RIPOR2: variants seen among roughly 807,000 people sequenced by gnomAD.
RIPOR2 encodes the protein RHO family interacting cell polarization regulator 2.
Under a neutral mutation model 114.5 loss-of-function variants are expected in RIPOR2, and 39 were observed. That is an observed-to-expected ratio of 0.34 (90% CI 0.26 to 0.44). The LOEUF (loss-of-function observed/expected upper bound fraction) is 0.44. RIPOR2 is among the 20% of genes least tolerant of loss of function. The pLI, the probability that RIPOR2 is intolerant of heterozygous loss-of-function variation, is 1.00. For missense variants in RIPOR2, 1,007 were observed against 1,255.1 expected, an observed-to-expected ratio of 0.80 and a Z score of 2.99; for synonymous variants, 445 against 484.4, an observed-to-expected ratio of 0.92 and a Z score of 1.07.
intron 1 of RIPOR2, among the ~76,000 whole-genome samples, chr6:24,991,651 C>A (rs1297621917): frequency 1.3e-5 from 2 of 152,166 alleles, no homozygotes; most frequent in Non-Finnish European, 2.9e-5. Context: ...GTGTGCTGGG[C>A]CTCTTGGAGC....
At chr6:24,830,450 C>T (rs978840887) in intron 17 of RIPOR2, 59 bp downstream of exon 17, 4 of 1,442,998 alleles carry the variant, frequency 2.8e-6, no homozygotes, top group East Asian at 2.5e-5. Context: ...CCGACCCCCA[C>T]CCCAATGCCC....
chr6:25,008,376 C>T (rs1775643517), intron 1 of RIPOR2, among the ~76,000 whole-genome samples: 1 of 152,124 alleles, frequency 6.6e-6, no homozygotes. Context: ...CTGATGTACT[C>T]AAAAGGGTCC....
intron 1 of RIPOR2, among the ~76,000 whole-genome samples, chr6:24,972,481 G>A (rs576592407): frequency 7.9e-5 from 12 of 152,312 alleles, no homozygotes. Flanking sequence ...TACGTTAGAA[G>A]AACAGTTGCA....
At chr6:24,963,514 G>A (rs551835245) in intron 1 of RIPOR2, among the ~76,000 whole-genome samples, 60 of 152,114 alleles carry the variant, frequency 3.9e-4, no homozygotes, top group Non-Finnish European at 7.9e-4. Context: ...TGGTATATAT[G>A]TAGCTCTTCA....
At chr6:24,993,714 A>G (rs1308943046) in intron 1 of RIPOR2, among the ~76,000 whole-genome samples, 1 of 152,276 alleles carries the variant, frequency 6.6e-6, no homozygotes, top group Non-Finnish European at 1.5e-5. Flanking sequence ...GCAAGGCCAA[A>G]TTCAGTCTGC....
chr6:24,894,843 G>A (rs941212464), intron 1 of RIPOR2, among the ~76,000 whole-genome samples: 11 of 152,136 alleles, frequency 7.2e-5, no homozygotes, highest in African/African-American at 2.4e-4. Context: ...TACTCTTAGG[G>A]TTAAATCCAC....
chr6:24,865,443 T>A lies in RIPOR2; in HGVS notation c.509A>T (p.Glu170Val). The change falls in exon 7 of 22, where the codon GAA becomes GTA. Residue 170 changes from glutamate to valine, a missense_variant. Coordinates refer to ENST00000643898, the MANE Select transcript of RIPOR2 (RefSeq NM_001286445.3). Reference sequence around the variant, plus strand: ...CTGGATACAATAAGCTTCATAGAGTTCATCTACCTGCCAGAATCAAAACAG... The same window carrying A: ...CTGGATACAATAAGCTTCATAGAGTACATCTACCTGCCAGAATCAAAACAG... ...RLEFHISKVD[E>V]LYEAYCIQRR... 6.2e-7 allele frequency: 1 copy of A among 1,605,142 alleles called. No homozygotes were observed. The highest frequency in any genetic ancestry group is 8.5e-7 in the Non-Finnish European group (1 of 1,174,718).
Position 24,811,657 on chromosome 6 carries a change from CTTTT to C in RIPOR2, c.2953-1854_2953-1851del, listed in dbSNP as rs1222503239. The stretch of plus-strand genomic sequence containing the variant: ...GTCAGGAGTTCCCATTCGTTTAGTA[CTTTT>C]TTTTTTTTTTTTTTCTTTTTTTTTT... On this transcript the variant is annotated intron_variant, in intron 20 of 21. Transcript: ENST00000643898. Among the ~76,000 whole-genome samples, 17 of 21,738 alleles carry C rather than the reference CTTTT, an allele frequency of 7.8e-4. 2 individuals are homozygous for C. Among genetic ancestry groups the C allele is most frequent in the African/African-American group, 1.3e-3 (15 of 11,948 alleles). The allele number at this position is 21,738 out of a possible 152,430, so 14.3% of individuals were successfully genotyped here.
upstream of RIPOR2, chr6:25,042,043 T>A: frequency 8.5e-6 from 4 of 469,040 alleles, no homozygotes; most frequent in South Asian, 6.1e-5. Context: ...AACCCCCCCC[T>A]TTTTGTTCTT....
At chr6:24,840,987 G>T (rs768757111) in intron 13 of RIPOR2, among the ~76,000 whole-genome samples, 2 of 152,162 alleles carry the variant, frequency 1.3e-5, no homozygotes, top group Non-Finnish European at 1.5e-5. Context: ...ATCTTGTACA[G>T]TACAGATGTG....
At chr6:24,982,367 TG>T (rs1774332235) in intron 1 of RIPOR2, among the ~76,000 whole-genome samples, 1 of 152,258 alleles carries the variant, frequency 6.6e-6, no homozygotes, top group Non-Finnish European at 1.5e-5. Flanking sequence ...TTCAGTAGTT[TG>T]TGTGACTGAA....
At chr6:24,852,001 C>T (rs576822560) in intron 9 of RIPOR2, among the ~76,000 whole-genome samples, 89 of 124,670 alleles carry the variant, frequency 7.1e-4, no homozygotes, top group Non-Finnish European at 1.3e-3. Flanking sequence ...CCTGTAATCC[C>T]AGCACTTTGG....
At chr6:24,841,363 T>G (rs558482506) in intron 13 of RIPOR2, among the ~76,000 whole-genome samples, 2 of 152,252 alleles carry the variant, frequency 1.3e-5, no homozygotes, top group Middle Eastern at 6.8e-3. Flanking sequence ...CTGATGGTTT[T>G]GAACTGATAT....
At chr6:24,974,018 TG>T (rs1773917382) in intron 1 of RIPOR2, among the ~76,000 whole-genome samples, 1 of 152,160 alleles carries the variant, frequency 6.6e-6, no homozygotes, top group East Asian at 1.9e-4. Flanking sequence ...CTGGGTGACC[TG>T]GGTCAATTGT....
At chr6:25,019,794 A>AAAAAG (rs1561847085) in intron 1 of RIPOR2, among the ~76,000 whole-genome samples, 3 of 149,446 alleles carry the variant, frequency 2.0e-5, no homozygotes, top group African/African-American at 4.9e-5. Flanking sequence ...AAAAAAAAAA[A>AAAAAG]AAAAGAAAAG....
intron 1 of RIPOR2, among the ~76,000 whole-genome samples, chr6:24,903,562 C>T (rs1185003468): frequency 6.6e-6 from 1 of 151,634 alleles, no homozygotes; most frequent in Admixed American, 6.6e-5. Context: ...TCCTTAATCT[C>T]CAGATAGCAA....
chr6:25,002,232 C>A (rs7753996), intron 1 of RIPOR2, among the ~76,000 whole-genome samples: 5,947 of 152,242 alleles, frequency 0.039, 417 homozygotes, highest in African/African-American at 0.13. Context: ...ACAAAATTAC[C>A]TAAACGTTAG....
intron 2 of RIPOR2, among the ~76,000 whole-genome samples, 153 bp downstream of exon 2, chr6:24,875,538 A>G (rs1765633752): frequency 6.6e-6 from 1 of 152,152 alleles, no homozygotes; most frequent in South Asian, 2.1e-4. Context: ...ATAGCACTTA[A>G]TTTTTAGTAC....
Position 24,989,156 on chromosome 6 carries a change from T to C in RIPOR2, c.76+52695A>G, listed in dbSNP as rs16889916. Among the ~76,000 whole-genome samples the C allele has an allele frequency of 0.019, 2,892 of 152,216 alleles. 118 individuals are homozygous for C. The East Asian group carries it at 0.2, about 10-fold the overall frequency. ...ATATATATCTGCTGAGTTTTTAATA[T>C]CAAAAATCATGTTATTTAATTTCTA... On this transcript the variant is annotated intron_variant, in intron 1 of 13. Transcript: ENST00000510784.
Sources: gnomAD v4.1 joint callset for allele counts (sites outside exome capture counted in the v4.1 genomes callset) on GRCh38, gnomAD v4.1.1 for gene constraint, MANE v1.5 for transcripts, NCBI Gene and HGNC (gene_info 2026-07-23, HGNC 2026-07-21) for gene names.